Variants in PIGP observed in about 807,000 individuals in gnomAD.
The protein encoded by PIGP is phosphatidylinositol N-acetylglucosaminyltransferase subunit P.
A neutral mutation model predicts 16.9 loss-of-function variants in PIGP; 12 were observed. The observed-to-expected ratio is 0.71, with a 90% CI of 0.46 to 1.15. PIGP has a LOEUF of 1.15. Ranked by LOEUF, PIGP falls within the 50% of genes most tolerant of loss-of-function variation. The probability of loss-of-function intolerance (pLI) is 0.00; values close to 1 mark genes in which losing one functional copy is unlikely to be tolerated. For synonymous variants in PIGP, 57 were observed against 54.7 expected (o/e 1.04, Z -0.18); for missense variants, 159 against 153.5 (o/e 1.04, Z -0.19).
intron 2 of PIGP, among the ~76,000 whole-genome samples, chr21:37,071,729 T>C (rs1483362953): frequency 1.3e-5 from 2 of 152,218 alleles, no homozygotes; most frequent in African/African-American, 4.8e-5. Flanking sequence ...TTTGTGTGCC[T>C]CAAAATTCTC....
chr21:37,068,487 A>T (rs964200803), intron 3 of PIGP, among the ~76,000 whole-genome samples: 3 of 150,548 alleles, frequency 2.0e-5, no homozygotes, highest in African/African-American at 7.3e-5. Context: ...TGTTATTTAA[A>T]TTTTTTTTTC....
At chr21:37,069,514 T>C (rs1413391587) in intron 3 of PIGP, 38 bp downstream of exon 3, 2 of 1,257,548 alleles carry the variant, frequency 1.6e-6, no homozygotes, top group Non-Finnish European at 2.2e-6. Flanking sequence ...CAAAACAGCA[T>C]TAATTATATC....
intron 2 of PIGP, among the ~76,000 whole-genome samples, chr21:37,071,013 G>A (rs915840430): frequency 6.6e-6 from 1 of 152,114 alleles, no homozygotes; most frequent in African/African-American, 2.4e-5. Flanking sequence ...TGCCTGCCTC[G>A]GCCACCCAAA....
At chr21:37,070,887 C>G (rs1370572426) in intron 2 of PIGP, among the ~76,000 whole-genome samples, 1 of 152,174 alleles carries the variant, frequency 6.6e-6, no homozygotes, top group Non-Finnish European at 1.5e-5. Flanking sequence ...CTCAGCCTCC[C>G]GAGTAGCTGG....
At chr21:37,068,434 CTTGT>C (rs896426891) in intron 3 of PIGP, among the ~76,000 whole-genome samples, 8 of 151,712 alleles carry the variant, frequency 5.3e-5, no homozygotes, top group African/African-American at 1.9e-4. Flanking sequence ...GCATTCTGTT[CTTGT>C]TTCATAGTTA....
intron 3 of PIGP, among the ~76,000 whole-genome samples, chr21:37,068,066 C>T (rs1042467466): frequency 2.0e-5 from 3 of 151,024 alleles, no homozygotes; most frequent in Admixed American, 6.6e-5. Context: ...TGGAGTGCAA[C>T]GGCATGATCA....
intron 3 of PIGP, among the ~76,000 whole-genome samples, chr21:37,068,244 TCTCTTTCTGG>T (rs2069941051): frequency 6.6e-6 from 1 of 151,756 alleles, no homozygotes; most frequent in Non-Finnish European, 1.5e-5. Flanking sequence ...TCTATTATTT[TCTCTTTCTGG>T]AACTTCTAAT....
intron 3 of PIGP, 116 bp from the exon 4 acceptor site, chr21:37,067,496 T>G: frequency 1.6e-6 from 1 of 623,558 alleles, no homozygotes. Flanking sequence ...GTAATATGTG[T>G]ACATAAGAGA....
intron 4 of PIGP, among the ~76,000 whole-genome samples, chr21:37,067,021 T>C (rs1160371431): frequency 1.3e-5 from 2 of 150,614 alleles, no homozygotes; most frequent in Admixed American, 6.6e-5. Context: ...TGTGTTTTCT[T>C]TTAGGATGGA....
chr21:37,069,268 C>T (rs111364799), intron 3 of PIGP: 120 of 211,990 alleles, frequency 5.7e-4, no homozygotes, highest in Admixed American at 2.1e-3. Context: ...TTCTGCTATA[C>T]TATTGTTTCT....
At chr21:37,070,769 ATTTAATTTTG>A (rs774624691) in intron 2 of PIGP, among the ~76,000 whole-genome samples, 7 of 152,116 alleles carry the variant, frequency 4.6e-5, no homozygotes, top group Non-Finnish European at 1.0e-4. Context: ...GTATGATGGA[ATTTAATTTTG>A]TTTTGAGACA....
intron 4 of PIGP, 136 bp from the exon 5 acceptor site, chr21:37,065,848 T>C (rs2069893642): frequency 3.1e-6 from 2 of 649,446 alleles, no homozygotes; most frequent in South Asian, 4.0e-5. Context: ...CATAATTAGA[T>C]GATTACTTAA....
At chr21:37,068,439 T>G (rs2069944047) in intron 3 of PIGP, among the ~76,000 whole-genome samples, 1 of 152,174 alleles carries the variant, frequency 6.6e-6, no homozygotes, top group Non-Finnish European at 1.5e-5. Context: ...CTGTTCTTGT[T>G]TCATAGTTAT....
chr21:37,072,444 T>C lies in PIGP; in HGVS notation c.72A>G (p.Gln24=), dbSNP rs756090398. 1.5e-5 allele frequency: 25 copies of C among 1,614,182 alleles called. No individual in the cohort carries two copies. The highest frequency in any genetic ancestry group is 2.7e-5 in the African/African-American group (2 of 75,050). The stretch of plus-strand genomic sequence containing the variant: ...CAGGAAAGTACTTACTGAAGCCAAA[T>C]TGGGAGCTTAAGAAAAGAACAAAGC... ...IYGFVLFLSS[Q]FGFILYLVWA... The change falls in exon 2 of 5, where the codon CAA becomes CAG. Residue 24 remains glutamine, a synonymous_variant. Transcript: ENST00000360525.
intron 2 of PIGP, chr21:37,072,143 A>G: frequency 9.7e-7 from 1 of 1,029,520 alleles, no homozygotes; most frequent in Non-Finnish European, 1.5e-6. Flanking sequence ...CTGTAGATTT[A>G]CCCATCTGTC....
chr21:37,072,641 ACCGCCTC>A (rs2070170269), intron 1 of PIGP, 104 bp from the exon 2 acceptor site: 1 of 1,584,726 alleles, frequency 6.3e-7, no homozygotes, highest in Non-Finnish European at 8.6e-7. Context: ...GCCGCGCAGA[ACCGCCTC>A]CCGCGCCTCC....
At chr21:37,069,753 AT>A (rs2069969650) in intron 2 of PIGP, 129 bp from the exon 3 acceptor site, 2 of 555,682 alleles carry the variant, frequency 3.6e-6, no homozygotes, top group East Asian at 3.0e-5. Context: ...CTCAGAAATG[AT>A]TTTTTCCTCC....
intron 3 of PIGP, among the ~76,000 whole-genome samples, chr21:37,068,632 T>G (rs1246927904): frequency 6.6e-6 from 1 of 152,128 alleles, no homozygotes; most frequent in Non-Finnish European, 1.5e-5. Flanking sequence ...TGCTAACAAG[T>G]GAGTTGGAAG....
chr21:37,072,708 C>T, intron 1 of PIGP, 171 bp from the exon 2 acceptor site: 1 of 1,040,822 alleles, frequency 9.6e-7, no homozygotes, highest in Non-Finnish European at 1.4e-6. Flanking sequence ...CCCAGGCTGG[C>T]GCGCGCCCCG....
Sources: gnomAD v4.1 joint callset for allele counts (sites outside exome capture counted in the v4.1 genomes callset) on GRCh38, gnomAD v4.1.1 for gene constraint, MANE v1.5 for transcripts, NCBI Gene and HGNC (gene_info 2026-07-23, HGNC 2026-07-21) for gene names.